Variants in ANPEP observed in about 807,000 individuals in gnomAD.
ANPEP encodes the protein alanyl aminopeptidase, membrane.
In ANPEP, 70 loss-of-function variants were observed where a neutral mutation model predicts 114.6. That is an observed-to-expected ratio of 0.61 (90% CI 0.50 to 0.75). The LOEUF (loss-of-function observed/expected upper bound fraction) is 0.75. Among genes scored for constraint, ANPEP ranks in the 30% least tolerant of loss-of-function variants. The pLI is 0.00. For missense variants in ANPEP, 1,184 were observed against 1,259.5 expected, an observed-to-expected ratio of 0.94 and a Z score of 0.91; for synonymous variants, 548 against 522.3, an observed-to-expected ratio of 1.05 and a Z score of -0.67.
At chr15:89,797,800 T>C (rs1466928306) in intron 14 of ANPEP, 78 bp from the exon 15 acceptor site, 45 of 1,588,234 alleles carry the variant, frequency 2.8e-5, no homozygotes, top group Admixed American at 1.8e-5. Flanking sequence ...ACCCAGGCCC[T>C]CAAAGATGCT....
Position 89,797,559 on chromosome 15 carries a change from C to G in ANPEP, c.2157+16G>C. ...GGGGCGAACTGGTTCTTGAACCCTACCATGCACCTCCGTACCTTCATGGGG... is the reference window on the plus strand; with the variant it reads ...GGGGCGAACTGGTTCTTGAACCCTAGCATGCACCTCCGTACCTTCATGGGG... On this transcript the variant is annotated intron_variant, in intron 15 of 20. Coordinates refer to ENST00000300060, the MANE Select transcript of ANPEP (RefSeq NM_001150.3). The G allele has an allele frequency of 6.2e-7, 1 of 1,605,696 alleles. No homozygotes were observed. Among genetic ancestry groups the G allele is most frequent in the Non-Finnish European group, 8.5e-7 (1 of 1,175,046 alleles).
chr15:89,813,383 G>T (rs868468253), intron 1 of ANPEP, among the ~76,000 whole-genome samples: 1 of 152,224 alleles, frequency 6.6e-6, no homozygotes, highest in Non-Finnish European at 1.5e-5. Flanking sequence ...AGCGTGTAAC[G>T]AAGGTCTCAT....
Position 89,804,553 on chromosome 15 carries a change from G to A in ANPEP, c.962C>T (p.Thr321Met), listed in dbSNP as rs8179199. The A allele has an allele frequency of 6.3e-5, 102 of 1,614,182 alleles. No homozygotes were observed. The East Asian group carries it at 1.9e-3, about 30-fold the overall frequency. ...AGCAAAGAAGTTAAGGATGGGGCCC[G>A]TCACGTTCAGGGCATAATCGCCGTG... ...AGHGDYALNVTGPILNFFAGH... is the reference protein window; with the variant it reads ...AGHGDYALNVMGPILNFFAGH... The change falls in exon 5 of 21, where the codon ACG (threonine) becomes ATG (methionine). Residue 321 changes from threonine (T) to methionine (M), a missense_variant. Thr to Met is a moderately conservative substitution (Grantham distance 81, BLOSUM62 -1). Coordinates refer to ENST00000300060, the MANE Select transcript of ANPEP (RefSeq NM_001150.3).
Position 89,793,133 on chromosome 15 carries a change from A to G in ANPEP, c.2158-7T>C. The G allele has an allele frequency of 1.9e-6, 3 of 1,610,440 alleles. No individual in the cohort carries two copies. Among genetic ancestry groups the G allele is most frequent in the Non-Finnish European group, 2.5e-6 (3 of 1,176,752 alleles). ...CCTGCTTCTTCAGGTAGTTCTGGGG[A>G]AAAGAAAATATGAATCTCATCAAAG... On this transcript the variant is annotated splice_region_variant and splice_polypyrimidine_tract_variant and intron_variant, in intron 15 of 20. Coordinates refer to ENST00000300060, the MANE Select transcript of ANPEP (RefSeq NM_001150.3).
chr15:89,791,694 C>A (rs1286559909), intron 18 of ANPEP, among the ~76,000 whole-genome samples: 1 of 151,012 alleles, frequency 6.6e-6, no homozygotes, highest in Non-Finnish European at 1.5e-5. Flanking sequence ...CTCAGGTGAT[C>A]CATCCACCTC....
intron 1 of ANPEP, among the ~76,000 whole-genome samples, chr15:89,808,050 TA>T (rs954637876): frequency 3.8e-4 from 58 of 152,040 alleles, no homozygotes; most frequent in Middle Eastern, 6.8e-3. Flanking sequence ...ATGCCACTGC[TA>T]AAAAAAACCT....
intron 1 of ANPEP, among the ~76,000 whole-genome samples, chr15:89,814,053 G>T (rs926821433): frequency 1.3e-5 from 2 of 150,748 alleles, no homozygotes; most frequent in Admixed American, 6.6e-5. Context: ...CTGTTTAGGG[G>T]ACCTTTTCCC....
chr15:89,810,381 AAAATAAATAAAT>A (rs71464490), intron 1 of ANPEP, among the ~76,000 whole-genome samples: 1 of 148,340 alleles, frequency 6.7e-6, no homozygotes, highest in South Asian at 2.2e-4. Flanking sequence ...TCTGTCTCAA[AAAATAAATAAAT>A]AAATAAATAA....
At position 89,804,090 on chromosome 15, in the gene ANPEP, G is replaced by T. The variant is rs922563756; in HGVS notation, c.1180-88C>A. 5.1e-6 allele frequency: 8 copies of T among 1,554,992 alleles called. No individual in the cohort carries two copies. The Admixed American group carries it at 1.2e-4, about 23-fold the overall frequency. On this transcript the variant is annotated intron_variant, in intron 6 of 20. Coordinates refer to ENST00000300060, the MANE Select transcript of ANPEP (RefSeq NM_001150.3). ...CTACCCTCCCCAGGGCTGGCCATCT[G>T]CCAGGCACAGTGGGGATTTCAACAC...
intron 14 of ANPEP, 45 bp from the exon 15 acceptor site, chr15:89,797,767 C>T: frequency 1.2e-6 from 2 of 1,611,050 alleles, no homozygotes; most frequent in Non-Finnish European, 1.7e-6. Flanking sequence ...TCCACCCAGC[C>T]CAGCCACAGC....
chr15:89,805,610 G>A (rs926041131), intron 2 of ANPEP, 147 bp from the exon 3 acceptor site: 47 of 1,191,164 alleles, frequency 3.9e-5, no homozygotes, highest in Non-Finnish European at 5.0e-5. Context: ...GCCTCGCCGG[G>A]AGCCTCCGGA....
In ANPEP at chr15:89,803,516, G is replaced by T; in HGVS notation, c.1438-9C>A. On this transcript the variant is annotated splice_polypyrimidine_tract_variant and intron_variant, in intron 8 of 20. Transcript: ENST00000300060. This position sits in a 1 kb window ranked among gnomAD's most constrained non-coding sequence, Gnocchi z 4.2. Reference sequence around the variant, plus strand: ...CTGAGGACTGAGGCGCCCTGGGGTGGGGGTGAGGGGGCGCTCAGAAGGCTG... The same window carrying T: ...CTGAGGACTGAGGCGCCCTGGGGTGTGGGTGAGGGGGCGCTCAGAAGGCTG... The T allele has an allele frequency of 1.9e-6, 3 of 1,606,602 alleles. No individual in the cohort carries two copies. Among genetic ancestry groups the T allele is most frequent in the Non-Finnish European group, 2.5e-6 (3 of 1,178,692 alleles).
In ANPEP at chr15:89,803,617, TC is replaced by T. The variant is rs1180770550; in HGVS notation, c.1437+29del. On this transcript the variant is annotated intron_variant, in intron 8 of 20. Transcript: ENST00000300060. This position sits in a 1 kb window ranked among gnomAD's most constrained non-coding sequence, Gnocchi z 4.2. Reference sequence around the variant, plus strand: ...CCTCCAGGCCAAGTCCCCACCTCCTTCCCCGTGCCCCACGAGGAGCGGGCTG... The same window carrying T: ...CCTCCAGGCCAAGTCCCCACCTCCTTCCCGTGCCCCACGAGGAGCGGGCTG... 2 of 1,604,294 alleles carry T rather than the reference TC, an allele frequency of 1.2e-6. No individual in the cohort carries two copies. Among genetic ancestry groups the T allele is most frequent in the African/African-American group, 1.3e-5 (1 of 74,858 alleles).
At position 89,803,913 on chromosome 15, in the gene ANPEP, G is replaced by T. The variant is rs1413281284; in HGVS notation, c.1269C>A (p.Asp423Glu). Reference sequence around the variant, plus strand: ...CCAAGTTCCAGGTGGGCTCCGCATAGTCAGCACCCAGGTACTCCACGTAGG... The same window carrying T: ...CCAAGTTCCAGGTGGGCTCCGCATATTCAGCACCCAGGTACTCCACGTAGG... ...FASYVEYLGA[D>E]YAEPTWNLKD... The change falls in exon 7 of 21, where the codon GAC (aspartate) becomes GAA (glutamate). Residue 423 changes from aspartate to glutamate, a missense_variant. By Grantham distance (45) the Asp-to-Glu change is conservative. Coordinates refer to ENST00000300060, the MANE Select transcript of ANPEP (RefSeq NM_001150.3). This position sits in a 1 kb window ranked among gnomAD's most constrained non-coding sequence, Gnocchi z 4.2. 2.1e-5 allele frequency: 34 copies of T among 1,614,072 alleles called. No individual in the cohort carries two copies. The highest frequency in any genetic ancestry group is 2.8e-5 in the Non-Finnish European group (33 of 1,180,030).
intron 15 of ANPEP, among the ~76,000 whole-genome samples, chr15:89,793,436 C>T (rs114953268): frequency 6.6e-6 from 1 of 152,140 alleles, no homozygotes; most frequent in South Asian, 2.1e-4. Flanking sequence ...CGCAGTGGCT[C>T]ACACTTGTAA....
chr15:89,791,101 G>A lies in ANPEP; in HGVS notation c.2529-8C>T. ...AGGGTGTAGCTCAGGTACCTAAGAG[G>A]GCCAGATGCTGTCTCAGCTACTGCT... is the stretch of plus-strand genomic sequence containing the variant. On this transcript the variant is annotated splice_polypyrimidine_tract_variant and splice_region_variant and intron_variant, in intron 18 of 20. Transcript: ENST00000300060. 1 of 1,613,798 alleles carries A rather than the reference G, an allele frequency of 6.2e-7. No homozygotes were observed. Among genetic ancestry groups the A allele is most frequent in the Non-Finnish European group, 8.5e-7 (1 of 1,179,778 alleles).
chr15:89,814,338 A>C (rs1596175001), intron 1 of ANPEP, among the ~76,000 whole-genome samples: 3 of 151,832 alleles, frequency 2.0e-5, no homozygotes, highest in Admixed American at 1.3e-4. Flanking sequence ...TTGGCCAGAG[A>C]CCCCACAGGC....
At chr15:89,787,208 G>A (rs1968523701) in intron 20 of ANPEP, among the ~76,000 whole-genome samples, 1 of 151,958 alleles carries the variant, frequency 6.6e-6, no homozygotes, top group South Asian at 2.1e-4. Context: ...ACTGCATCCA[G>A]CTAATTTTCG....
At chr15:89,788,592 T>C (rs1317157906) in intron 20 of ANPEP, among the ~76,000 whole-genome samples, 1 of 151,906 alleles carries the variant, frequency 6.6e-6, no homozygotes, top group East Asian at 1.9e-4. Context: ...TGTTTGTTTG[T>C]TTGGTTTGGT....
Sources: gnomAD v4.1 joint callset for allele counts (sites outside exome capture counted in the v4.1 genomes callset) on GRCh38, gnomAD v4.1.1 for gene constraint, Gnocchi (gnomAD v3.1) non-coding constraint, MANE v1.5 for transcripts, NCBI Gene and HGNC (gene_info 2026-07-23, HGNC 2026-07-21) for gene names.